Variants in MACROD2 observed in about 807,000 individuals in gnomAD.
MACROD2 encodes the protein ADP-ribose glycohydrolase MACROD2.
A neutral mutation model predicts 70.4 loss-of-function variants in MACROD2; 36 were observed. The observed-to-expected ratio is 0.51, with a 90% CI of 0.39 to 0.68. The LOEUF (loss-of-function observed/expected upper bound fraction) is 0.68. MACROD2 is among the 30% of genes least tolerant of loss of function. The probability of loss-of-function intolerance (pLI) is 0.00; values close to 1 mark genes in which losing one functional copy is unlikely to be tolerated. For missense variants in MACROD2, 496 were observed against 538.4 expected, an observed-to-expected ratio of 0.92 and a Z score of 0.78; for synonymous variants, 172 against 178.8, an observed-to-expected ratio of 0.96 and a Z score of 0.30.
intron 5 of MACROD2, among the ~76,000 whole-genome samples, chr20:15,160,854 T>A (rs1323356095): frequency 6.6e-6 from 1 of 152,144 alleles, no homozygotes; most frequent in Non-Finnish European, 1.5e-5. Flanking sequence ...TGTGCTTAAT[T>A]TGAGCAGATG....
intron 2 of MACROD2, among the ~76,000 whole-genome samples, chr20:14,067,751 A>C: frequency 6.6e-6 from 1 of 152,286 alleles, no homozygotes; most frequent in Non-Finnish European, 1.5e-5. Context: ...ATCCTGGGAG[A>C]GTGAAGTGTG....
chr20:15,606,010 T>C (rs1026339505), intron 8 of MACROD2, among the ~76,000 whole-genome samples: 1 of 152,216 alleles, frequency 6.6e-6, no homozygotes, highest in Non-Finnish European at 1.5e-5. Context: ...ACTTCCTAGA[T>C]ACTTGTCAAC....
chr20:15,098,411 T>G (rs1363347843), intron 5 of MACROD2, among the ~76,000 whole-genome samples: 4 of 152,170 alleles, frequency 2.6e-5, no homozygotes, highest in Non-Finnish European at 5.9e-5. Context: ...TATCCCTTAC[T>G]CTGCCTACAT....
intron 10 of MACROD2, among the ~76,000 whole-genome samples, chr20:15,908,123 GTT>G (rs11469043): frequency 0.044 from 6,727 of 152,146 alleles, 299 homozygotes; most frequent in East Asian, 0.22. Flanking sequence ...TTTTTGCTGT[GTT>G]TTTTGTTTTT....
chr20:15,261,775 ATTGTAT>A (rs2077251445), intron 6 of MACROD2, among the ~76,000 whole-genome samples: 1 of 151,982 alleles, frequency 6.6e-6, no homozygotes, highest in Admixed American at 6.6e-5. Context: ...TCTCTTGTTT[ATTGTAT>A]GCAAATATAG....
chr20:14,702,568 C>CAT (rs202177560), intron 5 of MACROD2, among the ~76,000 whole-genome samples: 11,809 of 60,456 alleles, frequency 0.2, 1,770 homozygotes, highest in East Asian at 0.41. Flanking sequence ...TATATATACA[C>CAT]ATATATGTGT....
intron 3 of MACROD2, among the ~76,000 whole-genome samples, chr20:14,282,426 G>A (rs1405169420): frequency 1.3e-5 from 2 of 152,154 alleles, no homozygotes; most frequent in African/African-American, 4.8e-5. Flanking sequence ...TCTGCTGGAT[G>A]GTCAGTGTTT....
intron 6 of MACROD2, among the ~76,000 whole-genome samples, chr20:15,234,977 C>A (rs554357287): frequency 6.6e-6 from 1 of 152,042 alleles, no homozygotes; most frequent in Admixed American, 6.6e-5. Context: ...CTTTTAACAT[C>A]ATGTTCATTT....
chr20:14,332,221 A>G (rs912527229), intron 3 of MACROD2, among the ~76,000 whole-genome samples: 1 of 152,142 alleles, frequency 6.6e-6, no homozygotes, highest in African/African-American at 2.4e-5. Flanking sequence ...TTGCATTTAT[A>G]ATGTAATCAT....
At chr20:14,755,072 G>T (rs564000820) in intron 5 of MACROD2, among the ~76,000 whole-genome samples, 31 of 152,142 alleles carry the variant, frequency 2.0e-4, no homozygotes, top group African/African-American at 7.2e-4. Flanking sequence ...TTCCTTGGTG[G>T]AAGTGACAAC....
Position 15,395,206 on chromosome 20 carries a change from A to G in MACROD2, c.541-36199A>G, listed in dbSNP as rs1260320537. Among the ~76,000 whole-genome samples, 6 of 152,302 alleles carry G rather than the reference A, an allele frequency of 3.9e-5. No homozygotes were observed. The East Asian group carries it at 9.6e-4, about 24-fold the overall frequency. On this transcript the variant is annotated intron_variant, in intron 6 of 17. Transcript: ENST00000684519. ...AGTCTACCCACTACCACATCCACCAATCTCAGAGTGCTTTGAACATAGGTT... is the reference window on the plus strand; with the variant it reads ...AGTCTACCCACTACCACATCCACCAGTCTCAGAGTGCTTTGAACATAGGTT...
At chr20:15,431,006 A>T (rs2046357137) in intron 6 of MACROD2, among the ~76,000 whole-genome samples, 2 of 152,154 alleles carry the variant, frequency 1.3e-5, no homozygotes, top group South Asian at 4.1e-4. Context: ...TACCATACAC[A>T]TACGACAGAC....
intron 10 of MACROD2, among the ~76,000 whole-genome samples, chr20:15,912,537 T>G (rs1039650170): frequency 2.0e-5 from 3 of 152,212 alleles, no homozygotes; most frequent in Non-Finnish European, 4.4e-5. Context: ...ACCCTGAGGT[T>G]TTTCTTTTCA....
chr20:14,194,317 T>C (rs1380139202), intron 3 of MACROD2, among the ~76,000 whole-genome samples: 1 of 152,202 alleles, frequency 6.6e-6, no homozygotes, highest in Non-Finnish European at 1.5e-5. Context: ...TTTGTTTATG[T>C]TCCTGCCCAG....
intron 6 of MACROD2, among the ~76,000 whole-genome samples, chr20:15,238,068 T>C (rs759193801): frequency 6.6e-6 from 1 of 152,200 alleles, no homozygotes; most frequent in African/African-American, 2.4e-5. Flanking sequence ...AAGGGGACTT[T>C]ACAAAATATT....
chr20:15,125,639 A>C (rs772888439), intron 5 of MACROD2, among the ~76,000 whole-genome samples: 2 of 152,118 alleles, frequency 1.3e-5, no homozygotes, highest in African/African-American at 2.4e-5. Context: ...CTACAAGATA[A>C]AATAATTTAC....
chr20:15,539,920 G>A (rs1010492764), intron 8 of MACROD2, among the ~76,000 whole-genome samples: 87 of 152,184 alleles, frequency 5.7e-4, no homozygotes, highest in African/African-American at 7.7e-4. Flanking sequence ...CCCGGGAGGC[G>A]GAGCTTGAAG....
At chr20:14,339,511 G>A (rs1255841864) in intron 3 of MACROD2, among the ~76,000 whole-genome samples, 1 of 152,172 alleles carries the variant, frequency 6.6e-6, no homozygotes, top group Admixed American at 6.5e-5. Flanking sequence ...TCAAATTCCT[G>A]TGGGTTTATA....
intron 3 of MACROD2, among the ~76,000 whole-genome samples, chr20:14,215,335 TATACACACACACACACACAC>T (rs778608994): frequency 0.017 from 1,734 of 101,724 alleles, 12 homozygotes; most frequent in Non-Finnish European, 0.027. Context: ...TGCCATCATA[TATACACACACACACACACAC>T]ACACACACAC....
Sources: allele counts gnomAD v4.1 joint callset (sites outside exome capture counted in the v4.1 genomes callset), GRCh38; gene constraint gnomAD v4.1.1; transcripts MANE v1.5; gene names NCBI Gene and HGNC (gene_info 2026-07-23, HGNC 2026-07-21).